RASEF: variants seen among roughly 807,000 people sequenced by gnomAD.
RASEF encodes the protein RAS and EF-hand domain containing, also known as ras and EF-hand domain-containing protein.
RASEF carries 68 observed loss-of-function variants against 90.1 expected under a neutral mutation model. The ratio of observed to expected loss-of-function variants is 0.75; its 90% CI spans 0.62 to 0.92. The LOEUF (loss-of-function observed/expected upper bound fraction) is 0.92. Ranked by LOEUF, RASEF falls within the 40% of genes least tolerant of loss-of-function variation. The probability of loss-of-function intolerance (pLI) is 0.00; values close to 1 mark genes in which losing one functional copy is unlikely to be tolerated. For synonymous variants in RASEF, 331 were observed against 345.2 expected (o/e 0.96, Z 0.46); for missense variants, 949 against 937.2 (o/e 1.01, Z -0.16).
At chr9:83,009,532 A>G in intron 6 of RASEF, 109 bp downstream of exon 6, 1 of 542,776 alleles carries the variant, frequency 1.8e-6, no homozygotes, top group Non-Finnish European at 3.2e-6. Flanking sequence ...AGTAAAGAAG[A>G]TATTAGCAAA....
chr9:83,129,730 A>G, the RASEF span, among the ~76,000 whole-genome samples: 1 of 152,160 alleles, frequency 6.6e-6, no homozygotes, highest in African/African-American at 2.4e-5. Flanking sequence ...ACCCAGTTCA[A>G]TACCTTCCTC....
intron 14 of RASEF, among the ~76,000 whole-genome samples, chr9:82,995,765 ATCT>A (rs544094879): frequency 2.5e-4 from 38 of 152,208 alleles, no homozygotes; most frequent in African/African-American, 7.9e-4. Flanking sequence ...TCTTCAAGTA[ATCT>A]TCTGCTCACA....
intron 1 of RASEF, among the ~76,000 whole-genome samples, chr9:83,038,431 T>C (rs1829781577): frequency 6.6e-6 from 1 of 152,062 alleles, no homozygotes; most frequent in South Asian, 2.1e-4. Context: ...AATTTAATAG[T>C]CAAAAAATGA....
chr9:83,091,925 T>C, the RASEF span, among the ~76,000 whole-genome samples: 2 of 150,102 alleles, frequency 1.3e-5, no homozygotes, highest in Admixed American at 1.3e-4. Context: ...TAGAGTAAGT[T>C]AAAACAATAA....
chr9:83,159,348 C>T, the RASEF span, among the ~76,000 whole-genome samples: 2 of 152,094 alleles, frequency 1.3e-5, no homozygotes, highest in Admixed American at 1.3e-4. Context: ...ACGAACAAGT[C>T]CCCTAAGTTT....
At chr9:82,985,852 A>G (rs944001889) in intron 16 of RASEF, among the ~76,000 whole-genome samples, 2 of 152,168 alleles carry the variant, frequency 1.3e-5, no homozygotes, top group Admixed American at 1.3e-4. Flanking sequence ...ACTATTGTTT[A>G]ATTATAATTT....
the RASEF span, among the ~76,000 whole-genome samples, chr9:83,167,540 T>C: frequency 4.5e-4 from 69 of 152,290 alleles, no homozygotes; most frequent in African/African-American, 1.6e-3. Flanking sequence ...CACACACATA[T>C]AACTCACTCA....
rs369276001 is a variant in RASEF at position 83,062,503 on chromosome 9, G to A, written c.365C>T (p.Ala122Val). 369 of 1,611,046 alleles carry A rather than the reference G, an allele frequency of 2.3e-4. No homozygotes were observed. Among genetic ancestry groups the A allele is most frequent in the Non-Finnish European group, 3.0e-4 (357 of 1,179,168 alleles). ...AAALATSCGP[A>V]SPGRAWQDFQ... ...ATCCTGCCAAGCCCGGCCGGGACTCGCCGGGCCGCACGAGGTGGCCAGCGC... is the reference window on the plus strand; with the variant it reads ...ATCCTGCCAAGCCCGGCCGGGACTCACCGGGCCGCACGAGGTGGCCAGCGC... Residue 122 changes from alanine (A) to valine (V), a missense_variant, in exon 1 of 17, where the codon GCG (alanine) becomes GTG (valine). Physicochemically the swap from Ala to Val is moderately conservative, Grantham distance 64. This residue lies in a region of RASEF where 656 missense variants were observed against 592.2 expected (regional missense o/e 1.11). Transcript: ENST00000376447.
At chr9:83,218,961 G>C in the RASEF span, among the ~76,000 whole-genome samples, 1 of 152,142 alleles carries the variant, frequency 6.6e-6, no homozygotes, top group African/African-American at 2.4e-5. Context: ...TCTCTCAGCC[G>C]GGCAGTCGGT....
At chr9:83,149,153 C>T in the RASEF span, among the ~76,000 whole-genome samples, 1 of 152,194 alleles carries the variant, frequency 6.6e-6, no homozygotes, top group Non-Finnish European at 1.5e-5. Flanking sequence ...CAGGAAAGAG[C>T]CTGCTCCCAG....
the RASEF span, among the ~76,000 whole-genome samples, chr9:83,189,311 G>A: frequency 2.6e-5 from 4 of 152,168 alleles, no homozygotes; most frequent in Admixed American, 2.0e-4. Context: ...CTTCTGCAAT[G>A]ATTCTAAGTT....
chr9:83,076,311 T>G, the RASEF span, among the ~76,000 whole-genome samples: 6 of 152,212 alleles, frequency 3.9e-5, no homozygotes, highest in Non-Finnish European at 8.8e-5. Context: ...ACACTAATTT[T>G]CACTAATGTA....
chr9:83,175,247 C>G, the RASEF span, among the ~76,000 whole-genome samples: 1 of 152,102 alleles, frequency 6.6e-6, no homozygotes, highest in African/African-American at 2.4e-5. Flanking sequence ...ATGAACTTTT[C>G]ATAGACATCT....
chr9:83,153,810 G>A, the RASEF span, among the ~76,000 whole-genome samples: 4 of 152,190 alleles, frequency 2.6e-5, no homozygotes, highest in African/African-American at 9.7e-5. Context: ...GGACTGTGTG[G>A]CACGTTCCCT....
intron 3 of RASEF, among the ~76,000 whole-genome samples, chr9:83,017,356 C>T (rs144006956): frequency 0.02 from 3,074 of 151,048 alleles, 131 homozygotes; most frequent in Admixed American, 0.11. Context: ...AGAAATTAGC[C>T]GGGTGTGGTG....
At chr9:82,984,832 C>A (rs568577601) in intron 16 of RASEF, among the ~76,000 whole-genome samples, 2 of 152,264 alleles carry the variant, frequency 1.3e-5, no homozygotes, top group Non-Finnish European at 2.9e-5. Flanking sequence ...GGCTCTGGGA[C>A]CTTCAGCTAC....
the RASEF span, among the ~76,000 whole-genome samples, chr9:83,124,572 A>G: frequency 1.3e-5 from 2 of 152,152 alleles, no homozygotes; most frequent in Admixed American, 1.3e-4. Flanking sequence ...AAGATACAAT[A>G]CTATGTACAA....
the RASEF span, among the ~76,000 whole-genome samples, chr9:83,184,879 G>C: frequency 6.6e-6 from 1 of 152,294 alleles, no homozygotes; most frequent in Admixed American, 6.5e-5. Flanking sequence ...ATCAGCAACT[G>C]TTGTTGAGGT....
At chr9:83,095,649 A>G in the RASEF span, among the ~76,000 whole-genome samples, 2 of 152,156 alleles carry the variant, frequency 1.3e-5, no homozygotes, top group South Asian at 4.2e-4. Flanking sequence ...CCTAATTTGT[A>G]TATATTCCCC....
Sources: gnomAD v4.1 joint callset for allele counts (sites outside exome capture counted in the v4.1 genomes callset) on GRCh38, gnomAD v4.1.1 for gene constraint, gnomAD v4.1.1 regional missense constraint, MANE v1.5 for transcripts, NCBI Gene and HGNC (gene_info 2026-07-23, HGNC 2026-07-21) for gene names.